UCK2: variants seen among roughly 807,000 people sequenced by gnomAD.
UCK2 encodes the protein uridine-cytidine kinase 2, also known as cytidine monophosphokinase 2.
A neutral mutation model predicts 30.8 loss-of-function variants in UCK2; 6 were observed. The observed-to-expected ratio is 0.19, with a 90% confidence interval of 0.11 to 0.38. The LOEUF is 0.38. Among genes scored for constraint, UCK2 ranks in the 10% least tolerant of loss-of-function variants. UCK2 has a pLI of 1.00. For synonymous variants in UCK2, 125 were observed against 133.6 expected (o/e 0.94, Z 0.45); for missense variants, 210 against 339.8 (o/e 0.62, Z 3.00).
At chr1:165,850,582 G>T (rs919819999) in intron 1 of UCK2, among the ~76,000 whole-genome samples, 16 of 150,892 alleles carry the variant, frequency 1.1e-4, no homozygotes, top group African/African-American at 3.4e-4. Flanking sequence ...TGGGACTACA[G>T]GTGCACATGC....
Position 165,832,678 on chromosome 1 carries a change from G to A in UCK2, c.99+4746G>A, listed in dbSNP as rs1173739535. ...GGCTGGAGTGCAGGGGTGCGAACTCGGCTCACTACAACTCCTGCGATTCTC... is the reference window on the plus strand; with the variant it reads ...GGCTGGAGTGCAGGGGTGCGAACTCAGCTCACTACAACTCCTGCGATTCTC... On this transcript the variant is annotated intron_variant, in intron 1 of 6. Coordinates refer to ENST00000367879, the MANE Select transcript of UCK2 (RefSeq NM_012474.5). 2.6e-5 allele frequency among the ~76,000 whole-genome samples: 4 copies of A among 151,852 alleles called. No homozygotes were observed. The East Asian group carries it at 5.8e-4, about 22-fold the overall frequency.
Position 165,911,151 on chromosome 1 carries a change from C to T in UCK2, c.*3328C>T, listed in dbSNP as rs776068122. 22 of 152,360 alleles carry T rather than the reference C, an allele frequency of 1.4e-4. No homozygotes were observed. The highest frequency in any genetic ancestry group is 3.9e-4 in the East Asian group (2 of 5,182). 9.4% of individuals were successfully genotyped at this position (152,360 alleles called of 1,614,324 possible). On this transcript the variant is annotated 3_prime_UTR_variant, in exon 7 of 7. Coordinates refer to ENST00000367879, the MANE Select transcript of UCK2 (RefSeq NM_012474.5). Reference sequence around the variant, plus strand: ...GTTAAAGATTCCAGGGCCAAGAACTCGGCAGGCTGAGGAGCAGCTAGGTAG... The same window carrying T: ...GTTAAAGATTCCAGGGCCAAGAACTTGGCAGGCTGAGGAGCAGCTAGGTAG...
At chr1:165,895,222 T>A (rs936449938) in intron 3 of UCK2, among the ~76,000 whole-genome samples, 5 of 152,178 alleles carry the variant, frequency 3.3e-5, no homozygotes, top group African/African-American at 1.2e-4. Flanking sequence ...TAGACCAGCC[T>A]GGGCAATATG....
chr1:165,852,104 T>C (rs1027315674), intron 1 of UCK2, among the ~76,000 whole-genome samples: 9 of 152,180 alleles, frequency 5.9e-5, no homozygotes, highest in Non-Finnish European at 1.0e-4. Context: ...TACACGGTAA[T>C]GGGATTGCTG....
At chr1:165,837,678 G>A (rs1557831910) in intron 1 of UCK2, among the ~76,000 whole-genome samples, 1 of 152,132 alleles carries the variant, frequency 6.6e-6, no homozygotes, top group Non-Finnish European at 1.5e-5. Flanking sequence ...TCAGGATCAG[G>A]GACTTTGTTT....
At chr1:165,861,657 A>AC (rs1557838632) in intron 1 of UCK2, among the ~76,000 whole-genome samples, 3 of 55,834 alleles carry the variant, frequency 5.4e-5, no homozygotes, top group Non-Finnish European at 1.1e-4. Flanking sequence ...AAACAAAAAA[A>AC]AACAACAGTA....
chr1:165,863,464 T>C (rs989814452), intron 1 of UCK2, among the ~76,000 whole-genome samples: 3 of 152,240 alleles, frequency 2.0e-5, no homozygotes, highest in African/African-American at 7.2e-5. Context: ...CAGTATGGGT[T>C]AAGTTGGCAT....
chr1:165,873,544 A>C (rs757834709), intron 1 of UCK2, among the ~76,000 whole-genome samples: 4 of 152,150 alleles, frequency 2.6e-5, no homozygotes, highest in Non-Finnish European at 5.9e-5. Context: ...GTGATTCTTT[A>C]TATCTTCCTG....
intron 1 of UCK2, among the ~76,000 whole-genome samples, chr1:165,838,847 A>G (rs1654259800): frequency 1.3e-5 from 2 of 152,120 alleles, no homozygotes; most frequent in South Asian, 4.1e-4. Flanking sequence ...CAGGAGGTCG[A>G]GACCAGCCTG....
At chr1:165,851,485 T>C (rs1654594378) in intron 1 of UCK2, among the ~76,000 whole-genome samples, 1 of 152,168 alleles carries the variant, frequency 6.6e-6, no homozygotes, top group Admixed American at 6.5e-5. Context: ...GACCTCCTTA[T>C]AGCCTGATGA....
In UCK2 at chr1:165,874,905, T is replaced by G. The variant is rs893664225; in HGVS notation, c.100-15299T>G. Among the ~76,000 whole-genome samples the G allele has an allele frequency of 1.2e-3, 176 of 152,320 alleles. 3 individuals are homozygous for G. The highest frequency in any genetic ancestry group is 1.3e-4 in the Non-Finnish European group (9 of 68,032). On this transcript the variant is annotated intron_variant, in intron 1 of 6. Transcript: ENST00000367879. ...GCTTTTTCTTTCCTGGTACATAATG[T>G]ATGAACACTAGTGTGTTGTTTTCAT...
At chr1:165,845,693 A>G (rs906796002) in intron 1 of UCK2, among the ~76,000 whole-genome samples, 2 of 152,216 alleles carry the variant, frequency 1.3e-5, no homozygotes, top group Non-Finnish European at 2.9e-5. Context: ...ATTGAGACAC[A>G]GTCTCGCTCT....
In UCK2 at chr1:165,909,522, G is replaced by T. The variant is rs1449283759; in HGVS notation, c.*1699G>T. 1 of 152,142 alleles carries T rather than the reference G, an allele frequency of 6.6e-6. No homozygotes were observed. The highest frequency in any genetic ancestry group is 1.5e-5 in the Non-Finnish European group (1 of 68,028). The allele number at this position is 152,142 out of a possible 1,614,324, so 9.4% of individuals were successfully genotyped here. On this transcript the variant is annotated 3_prime_UTR_variant, in exon 7 of 7. Transcript: ENST00000367879. ...GATTCCCCGTTTCTGGGCTCAGTTT[G>T]ACTCTAAATCTGTTTTGCTATTTTA...
chr1:165,899,027 GT>G (rs1296222720), intron 4 of UCK2, among the ~76,000 whole-genome samples: 2 of 152,202 alleles, frequency 1.3e-5, no homozygotes, highest in African/African-American at 4.8e-5. Context: ...GAGTGCGGGG[GT>G]GCTGGGGTAG....
chr1:165,872,264 G>A (rs908103581), intron 1 of UCK2, among the ~76,000 whole-genome samples: 2 of 152,044 alleles, frequency 1.3e-5, no homozygotes, highest in African/African-American at 4.8e-5. Flanking sequence ...TAGTAGAGAC[G>A]GGGTTTTGCC....
chr1:165,829,209 C>G (rs1653978789), intron 1 of UCK2, among the ~76,000 whole-genome samples: 1 of 152,166 alleles, frequency 6.6e-6, no homozygotes, highest in African/African-American at 2.4e-5. Context: ...AGGAATCGGC[C>G]TGCTTTAGGT....
intron 1 of UCK2, among the ~76,000 whole-genome samples, chr1:165,867,339 C>T (rs1051940807): frequency 3.9e-5 from 6 of 152,208 alleles, no homozygotes; most frequent in Non-Finnish European, 7.3e-5. Context: ...CGTTGATTGA[C>T]TCTTTCCTTC....
chr1:165,880,748 A>G (rs1655473955), intron 1 of UCK2, among the ~76,000 whole-genome samples: 2 of 152,142 alleles, frequency 1.3e-5, no homozygotes, highest in Admixed American at 1.3e-4. Flanking sequence ...CGAGGGATAC[A>G]TTGCCCCTTG....
At chr1:165,906,335 C>G (rs1178341127) in intron 6 of UCK2, among the ~76,000 whole-genome samples, 1 of 152,194 alleles carries the variant, frequency 6.6e-6, no homozygotes, top group East Asian at 1.9e-4. Flanking sequence ...ATCACGGTAG[C>G]CCTTTCTAAA....
Sources: gnomAD v4.1 joint callset for allele counts (sites outside exome capture counted in the v4.1 genomes callset) on GRCh38, gnomAD v4.1.1 for gene constraint, MANE v1.5 for transcripts, NCBI Gene and HGNC (gene_info 2026-07-23, HGNC 2026-07-21) for gene names.